Variants in PTPRD observed in about 807,000 individuals in gnomAD.
PTPRD encodes the protein protein tyrosine phosphatase receptor type D.
PTPRD carries 34 observed loss-of-function variants against 214.5 expected under a neutral mutation model. The ratio of observed to expected loss-of-function variants is 0.16; its 90% CI spans 0.12 to 0.21. The LOEUF (loss-of-function observed/expected upper bound fraction) is 0.21. Among genes scored for constraint, PTPRD ranks in the 10% least tolerant of loss-of-function variants. The pLI, the probability that PTPRD is intolerant of heterozygous loss-of-function variation, is 1.00. For synonymous variants in PTPRD, 1,128 were observed against 845.7 expected, an observed-to-expected ratio of 1.33 and a Z score of -5.79; for missense variants, 2,545 against 2,398.7, an observed-to-expected ratio of 1.06 and a Z score of -1.27.
intron 14 of PTPRD, among the ~76,000 whole-genome samples, chr9:8,554,488 A>G (rs893503835): frequency 3.9e-5 from 6 of 152,186 alleles, no homozygotes; most frequent in Non-Finnish European, 5.9e-5. Context: ...GGAGTGTAGC[A>G]TGTGCTGGGA....
At chr9:10,499,489 T>A (rs780932179) in intron 2 of PTPRD, among the ~76,000 whole-genome samples, 3 of 151,962 alleles carry the variant, frequency 2.0e-5, no homozygotes, top group Non-Finnish European at 4.4e-5. Context: ...CTGAAAAATG[T>A]CTACATTATT....
chr9:8,450,447 A>C (rs773607613), intron 33 of PTPRD, among the ~76,000 whole-genome samples: 2 of 152,202 alleles, frequency 1.3e-5, no homozygotes, highest in Non-Finnish European at 2.9e-5. Context: ...AAGGAAAAAA[A>C]ACAGTGTTAG....
At chr9:8,869,273 A>AACTC (rs1158982626) in intron 11 of PTPRD, among the ~76,000 whole-genome samples, 4 of 152,200 alleles carry the variant, frequency 2.6e-5, no homozygotes, top group African/African-American at 9.6e-5. Flanking sequence ...ATTCTTGGTG[A>AACTC]ACTCTAAGAA....
intron 10 of PTPRD, among the ~76,000 whole-genome samples, chr9:9,180,785 T>C (rs1436137590): frequency 6.6e-6 from 1 of 152,000 alleles, no homozygotes; most frequent in Non-Finnish European, 1.5e-5. Flanking sequence ...ACTGATGAAA[T>C]CTAATACCCT....
At chr9:9,344,664 T>A (rs2048148791) in intron 9 of PTPRD, among the ~76,000 whole-genome samples, 1 of 152,104 alleles carries the variant, frequency 6.6e-6, no homozygotes, top group African/African-American at 2.4e-5. Flanking sequence ...ATTCTGAAAA[T>A]TAACTTACTT....
chr9:9,926,969 T>C (rs1235866647), intron 5 of PTPRD, among the ~76,000 whole-genome samples: 1 of 152,152 alleles, frequency 6.6e-6, no homozygotes, highest in Non-Finnish European at 1.5e-5. Flanking sequence ...TTAAGACTAT[T>C]AGTGTTGTGG....
intron 9 of PTPRD, among the ~76,000 whole-genome samples, chr9:9,303,934 A>G (rs558654693): frequency 2.4e-4 from 36 of 152,156 alleles, no homozygotes; most frequent in Non-Finnish European, 4.3e-4. Context: ...TAAACAGTTA[A>G]AAAGACAGAT....
At chr9:9,961,054 G>A (rs1259065441) in intron 4 of PTPRD, among the ~76,000 whole-genome samples, 4 of 140,202 alleles carry the variant, frequency 2.9e-5, no homozygotes, top group African/African-American at 9.8e-5. Context: ...ACAGACACAT[G>A]AAAAAATGCT....
intron 8 of PTPRD, among the ~76,000 whole-genome samples, chr9:9,547,383 G>T (rs2079050832): frequency 6.6e-6 from 1 of 151,774 alleles, no homozygotes; most frequent in Non-Finnish European, 1.5e-5. Flanking sequence ...TTTTATTTAG[G>T]TTGCCATTCA....
chr9:8,391,179 C>G (rs886479796), intron 36 of PTPRD, among the ~76,000 whole-genome samples: 2 of 151,868 alleles, frequency 1.3e-5, no homozygotes, highest in African/African-American at 4.8e-5. Context: ...TTCCCAAGCT[C>G]AAATTGTTAT....
intron 11 of PTPRD, chr9:8,797,267 G>A (rs2096457139): frequency 6.6e-6 from 1 of 152,126 alleles, no homozygotes; most frequent in Non-Finnish European, 1.5e-5. Context: ...ATTGCCTTAT[G>A]GCCAAGAGAT....
chr9:9,659,091 C>A (rs1037278118), intron 7 of PTPRD, among the ~76,000 whole-genome samples: 1 of 152,040 alleles, frequency 6.6e-6, no homozygotes, highest in Non-Finnish European at 1.5e-5. Flanking sequence ...TTACAGGATA[C>A]ATAAAAACAG....
chr9:10,595,011 T>G, intron 2 of PTPRD, among the ~76,000 whole-genome samples: 1 of 30,682 alleles, frequency 3.3e-5, no homozygotes, highest in Non-Finnish European at 1.3e-4. Context: ...CAGGTTGACT[T>G]AATTATTCAA....
intron 35 of PTPRD, among the ~76,000 whole-genome samples, chr9:8,414,930 GGAGAGA>G (rs58529453): frequency 0.16 from 7,997 of 48,782 alleles, 388 homozygotes; most frequent in East Asian, 0.29. Context: ...AGAGGGAGGG[GGAGAGA>G]GAGAGAGAGA....
rs942311546 is a variant in PTPRD at position 9,438,091 on chromosome 9, T to A, written c.-236-40609A>T. Among the ~76,000 whole-genome samples the A allele has an allele frequency of 5.9e-5, 9 of 152,292 alleles. 1 individual carries two copies. The South Asian group carries it at 1.7e-3, about 28-fold the overall frequency. ...CTGTGTGCTTCTCTCTGTATCCTAA[T>A]GTCCTCTTCTCATAAGGCCACAGTT... On this transcript the variant is annotated intron_variant, in intron 8 of 45. Coordinates refer to ENST00000381196, the MANE Select transcript of PTPRD (RefSeq NM_002839.4).
intron 5 of PTPRD, among the ~76,000 whole-genome samples, chr9:9,780,296 C>A (rs2098833020): frequency 6.6e-6 from 1 of 152,120 alleles, no homozygotes; most frequent in Non-Finnish European, 1.5e-5. Context: ...TGAAAAACTA[C>A]CACTGGGTGC....
chr9:8,549,150 T>C (rs571621038), intron 14 of PTPRD, among the ~76,000 whole-genome samples: 1 of 152,306 alleles, frequency 6.6e-6, no homozygotes, highest in East Asian at 1.9e-4. Flanking sequence ...TATGTGCGGA[T>C]ATAACATAGA....
At chr9:8,643,844 C>T (rs2096629652) in intron 12 of PTPRD, among the ~76,000 whole-genome samples, 2 of 152,194 alleles carry the variant, frequency 1.3e-5, no homozygotes, top group East Asian at 1.9e-4. Context: ...AGCCTGGGTG[C>T]CACAGTTGGT....
chr9:9,547,670 T>G (rs985699644), intron 8 of PTPRD, among the ~76,000 whole-genome samples: 15 of 152,060 alleles, frequency 9.9e-5, no homozygotes, highest in African/African-American at 3.6e-4. Context: ...ATCAGGATAT[T>G]TAGCCCTTCT....
Sources: gnomAD v4.1 joint callset for allele counts (sites outside exome capture counted in the v4.1 genomes callset) on GRCh38, gnomAD v4.1.1 for gene constraint, MANE v1.5 for transcripts, NCBI Gene and HGNC (gene_info 2026-07-23, HGNC 2026-07-21) for gene names.